Variants in CNBD1 observed in about 807,000 individuals in gnomAD.
CNBD1 encodes the protein cyclic nucleotide-binding domain-containing protein 1.
In CNBD1, 71 loss-of-function variants were observed where a neutral mutation model predicts 54.4. The ratio of observed to expected loss-of-function variants is 1.30; its 90% CI spans 1.08 to 1.59. CNBD1 has a LOEUF of 1.59. Ranked by LOEUF, CNBD1 falls within the 40% of genes most tolerant of loss-of-function variation. CNBD1 has a pLI of 0.00. For synonymous variants in CNBD1, 182 were observed against 170.7 expected (o/e 1.07, Z -0.51); for missense variants, 659 against 518.0 (o/e 1.27, Z -2.64).
chr8:87,213,961 A>G (rs1356610429), intron 5 of CNBD1, among the ~76,000 whole-genome samples: 1 of 152,192 alleles, frequency 6.6e-6, no homozygotes, highest in Non-Finnish European at 1.5e-5. Context: ...AAGGGGCTAA[A>G]GGCCCCATGC....
At chr8:86,959,898 C>T (rs543508548) in intron 4 of CNBD1, among the ~76,000 whole-genome samples, 10 of 152,256 alleles carry the variant, frequency 6.6e-5, no homozygotes, top group Admixed American at 1.3e-4. Context: ...CCGTTGTTGG[C>T]GAGGAGCTTT....
chr8:87,387,019 G>A (rs551972206), downstream of CNBD1, among the ~76,000 whole-genome samples: 40 of 152,296 alleles, frequency 2.6e-4, 1 homozygote, highest in Middle Eastern at 0.01. Flanking sequence ...CTCCGTAAGT[G>A]AGGGAGAAAT....
chr8:86,985,952 T>C (rs1808596937), intron 4 of CNBD1, among the ~76,000 whole-genome samples: 1 of 152,082 alleles, frequency 6.6e-6, no homozygotes, highest in Non-Finnish European at 1.5e-5. Context: ...TTTCCTGAGA[T>C]GGGAGTCTTG....
At chr8:86,919,665 C>T (rs2131823229) in intron 3 of CNBD1, among the ~76,000 whole-genome samples, 1 of 152,248 alleles carries the variant, frequency 6.6e-6, no homozygotes, top group South Asian at 2.1e-4. Context: ...CAGCCTCAGG[C>T]TAGTGGCCTC....
At chr8:87,239,477 T>A (rs536792083) in intron 6 of CNBD1, among the ~76,000 whole-genome samples, 2 of 152,300 alleles carry the variant, frequency 1.3e-5, no homozygotes, top group African/African-American at 2.4e-5. Flanking sequence ...CATAAAGGGC[T>A]ATATTTTTCT....
intron 6 of CNBD1, among the ~76,000 whole-genome samples, chr8:87,252,732 T>C (rs1807937114): frequency 6.6e-6 from 1 of 152,066 alleles, no homozygotes; most frequent in South Asian, 2.1e-4. Flanking sequence ...TACAGTCTGG[T>C]TGGGGGCTTA....
intron 4 of CNBD1, among the ~76,000 whole-genome samples, chr8:87,054,819 T>C (rs1271674649): frequency 1.3e-5 from 2 of 152,270 alleles, no homozygotes; most frequent in Middle Eastern, 3.4e-3. Flanking sequence ...GGGAACTTGA[T>C]TGGAACACAG....
At chr8:86,876,168 CCT>C (rs1491168780) in intron 1 of CNBD1, among the ~76,000 whole-genome samples, 1 of 112,028 alleles carries the variant, frequency 8.9e-6, no homozygotes, top group Non-Finnish European at 1.7e-5. Flanking sequence ...TTGTTTGATA[CCT>C]GTGTGTGTGT....
chr8:86,897,942 T>C (rs904343151), intron 2 of CNBD1, among the ~76,000 whole-genome samples: 27 of 151,912 alleles, frequency 1.8e-4, no homozygotes, highest in Admixed American at 5.2e-4. Context: ...TTTTTTGAGA[T>C]AGAAAAAAAT....
chr8:86,943,604 G>A (rs561164227), intron 4 of CNBD1, among the ~76,000 whole-genome samples: 1 of 152,190 alleles, frequency 6.6e-6, no homozygotes, highest in East Asian at 1.9e-4. Flanking sequence ...CCATAAAGGA[G>A]AGATTTGAGC....
intron 2 of CNBD1, among the ~76,000 whole-genome samples, chr8:87,420,163 A>C (rs1411495843): frequency 6.6e-6 from 1 of 151,856 alleles, no homozygotes; most frequent in Non-Finnish European, 1.5e-5. Flanking sequence ...TCTTAGTTTT[A>C]ATTTTTTTTG....
At chr8:87,350,287 TTTTA>T (rs1341592088) in intron 8 of CNBD1, among the ~76,000 whole-genome samples, 1 of 152,028 alleles carries the variant, frequency 6.6e-6, no homozygotes, top group Admixed American at 6.6e-5. Flanking sequence ...TACCATAAAT[TTTTA>T]TTTAAACAAA....
chr8:87,415,845 A>T (rs990192724), intron 2 of CNBD1, among the ~76,000 whole-genome samples: 2 of 152,084 alleles, frequency 1.3e-5, no homozygotes, highest in African/African-American at 4.8e-5. Flanking sequence ...TAGGGAAAAT[A>T]GAAGTATATT....
intron 4 of CNBD1, among the ~76,000 whole-genome samples, chr8:86,941,691 G>A (rs773568061): frequency 6.6e-6 from 1 of 152,212 alleles, no homozygotes. Flanking sequence ...AAATGGGTAA[G>A]AAGCCTAGTA....
intron 4 of CNBD1, among the ~76,000 whole-genome samples, chr8:87,098,107 C>G (rs1318382246): frequency 6.6e-6 from 1 of 152,138 alleles, no homozygotes; most frequent in East Asian, 1.9e-4. Context: ...TTAAGAATTT[C>G]TAAAACAAAG....
chr8:86,920,641 C>T (rs2131824218), intron 3 of CNBD1, among the ~76,000 whole-genome samples: 1 of 152,308 alleles, frequency 6.6e-6, no homozygotes, highest in South Asian at 2.1e-4. Flanking sequence ...GAATGTTTCT[C>T]ATGGGCTCAG....
intron 2 of CNBD1, among the ~76,000 whole-genome samples, chr8:87,422,369 T>C (rs2130993852): frequency 7.8e-6 from 1 of 127,402 alleles, no homozygotes; most frequent in South Asian, 2.3e-4. Flanking sequence ...TCCTGAATGG[T>C]AATGCCTAGG....
intron 4 of CNBD1, among the ~76,000 whole-genome samples, chr8:87,156,814 A>G (rs945294247): frequency 1.3e-5 from 2 of 152,128 alleles, no homozygotes; most frequent in Non-Finnish European, 2.9e-5. Flanking sequence ...TACAATAGCA[A>G]TTATTCGTCA....
intron 6 of CNBD1, among the ~76,000 whole-genome samples, chr8:87,271,308 G>C (rs1317946690): frequency 6.6e-6 from 1 of 150,926 alleles, no homozygotes; most frequent in Admixed American, 6.6e-5. Context: ...TTTCTTGCTT[G>C]CTTTTCTAGT....
Sources: gnomAD v4.1 joint callset for allele counts (sites outside exome capture counted in the v4.1 genomes callset) on GRCh38, gnomAD v4.1.1 for gene constraint, MANE v1.5 for transcripts, NCBI Gene and HGNC (gene_info 2026-07-23, HGNC 2026-07-21) for gene names.